The following RAB43 variants were observed in gnomAD, a reference collection of about 807,000 sequenced individuals.
RAB43 encodes RAB43, member RAS oncogene family.
RAB43 carries 6 observed loss-of-function variants against 18.8 expected under a neutral mutation model. The observed-to-expected ratio is 0.32, with a 90% CI of 0.17 to 0.63. The LOEUF (loss-of-function observed/expected upper bound fraction) is 0.63, where lower values mean the gene tolerates loss of function less well. Ranked by LOEUF, RAB43 falls within the 30% of genes least tolerant of loss-of-function variation. The pLI is 0.79. For synonymous variants in RAB43, 103 were observed against 124.1 expected (o/e 0.83, Z 1.13); for missense variants, 195 against 289.1 (o/e 0.67, Z 2.36).
At chr3:129,103,104 G>A (rs1037725157) in intron 1 of RAB43, among the ~76,000 whole-genome samples, 2 of 152,208 alleles carry the variant, frequency 1.3e-5, no homozygotes, top group African/African-American at 4.8e-5. Flanking sequence ...GAGGGGCGCT[G>A]GGACTCGGCC....
chr3:129,117,628 C>T (rs558073259), intron 1 of RAB43, among the ~76,000 whole-genome samples: 1 of 152,202 alleles, frequency 6.6e-6, no homozygotes, highest in East Asian at 1.9e-4. Flanking sequence ...AACTGTCAAC[C>T]CCAATCTTTC....
intron 1 of RAB43, among the ~76,000 whole-genome samples, chr3:129,112,996 C>T (rs1440808971): frequency 1.3e-5 from 2 of 151,844 alleles, no homozygotes; most frequent in Admixed American, 6.6e-5. Flanking sequence ...TCAAACCCAC[C>T]CCTGGAATAC....
In RAB43 at chr3:129,103,221, C is replaced by A. The variant is rs890955123; in HGVS notation, c.205-8052G>T. On this transcript the variant is annotated intron_variant, in intron 1 of 2. Coordinates refer to ENST00000315150, the MANE Select transcript of RAB43 (RefSeq NM_198490.3). The stretch of plus-strand genomic sequence containing the variant: ...GGGCTCCAAGTCCCCACTGCATCTG[C>A]CCTAGCTGTGCCCTCCTCCTACCCA... Among the ~76,000 whole-genome samples, 26 of 152,312 alleles carry A rather than the reference C, an allele frequency of 1.7e-4. 3 individuals carry two copies. Among genetic ancestry groups the A allele is most frequent in the Admixed American group, 5.9e-4 (9 of 15,304 alleles).
At position 129,102,643 on chromosome 3, in the gene RAB43, A is replaced by AAAAAAAAAAAAAC. The variant is rs370921100; in HGVS notation, c.205-7475_205-7474insGTTTTTTTTTTTT. Among the ~76,000 whole-genome samples the AAAAAAAAAAAAAC allele has an allele frequency of 1.3e-5, 2 of 150,616 alleles. 1 individual carries two copies. The highest frequency in any genetic ancestry group is 4.9e-5 in the African/African-American group (2 of 41,036). On this transcript the variant is annotated intron_variant, in intron 1 of 2. Coordinates refer to ENST00000315150, the MANE Select transcript of RAB43 (RefSeq NM_198490.3). ...GAGACTCCATCTCAAAAAAAAAAAAATCACTCAGGTCACTGGGTGGAGCAG... is the reference window on the plus strand; with the variant it reads ...GAGACTCCATCTCAAAAAAAAAAAAAAAAAAAAAAAAACTCACTCAGGTCACTGGGTGGAGCAG...
intron 1 of RAB43, among the ~76,000 whole-genome samples, chr3:129,120,524 ACT>A (rs1451661896): frequency 3.9e-5 from 6 of 152,214 alleles, no homozygotes; most frequent in East Asian, 1.9e-4. Context: ...AGGTTAAGAA[ACT>A]CTGATTTCAT....
intron 2 of RAB43, among the ~76,000 whole-genome samples, chr3:129,093,530 AACCCGG>A: frequency 6.6e-6 from 1 of 152,080 alleles, no homozygotes; most frequent in East Asian, 1.9e-4. Context: ...GAATTGCTTG[AACCCGG>A]GAGGCGGAGG....
At chr3:129,121,149 G>A in intron 1 of RAB43, 137 bp downstream of exon 1, 3 of 604,982 alleles carry the variant, frequency 5.0e-6, no homozygotes, top group Admixed American at 3.9e-5. Context: ...GGCCTGCTCC[G>A]ACCCGAGGAA....
intron 2 of RAB43, 109 bp from the exon 3 acceptor site, chr3:129,091,455 A>C: frequency 2.2e-5 from 29 of 1,330,246 alleles, no homozygotes; most frequent in Non-Finnish European, 2.9e-5. Flanking sequence ...ACCACTATAA[A>C]TGGACACCCC....
At chr3:129,113,888 G>A (rs530139458) in intron 1 of RAB43, among the ~76,000 whole-genome samples, 4 of 152,130 alleles carry the variant, frequency 2.6e-5, no homozygotes, top group Admixed American at 6.5e-5. Flanking sequence ...TTAGCTAGGC[G>A]TGGTGGTGTG....
chr3:129,109,327 G>A (rs1934991680), intron 1 of RAB43, among the ~76,000 whole-genome samples: 1 of 151,114 alleles, frequency 6.6e-6, no homozygotes, highest in African/African-American at 2.4e-5. Context: ...GGAGAATGGC[G>A]TGAACCTGGC....
chr3:129,115,146 G>C lies in RAB43; in HGVS notation c.204+6140C>G, dbSNP rs552240909. Among the ~76,000 whole-genome samples the C allele has an allele frequency of 2.6e-5, 4 of 152,202 alleles. No individual in the cohort carries two copies. In the East Asian group the frequency reaches 7.7e-4, roughly 29 times the overall value. ...GTACAGTATCCCCCACTTATCCATG[G>C]TTTCACTTTCCAAGGTTTCAGCTAC... is the stretch of plus-strand genomic sequence containing the variant. On this transcript the variant is annotated intron_variant, in intron 1 of 2. Transcript: ENST00000315150.
chr3:129,094,829 T>C (rs1933931664), intron 2 of RAB43, among the ~76,000 whole-genome samples, 157 bp downstream of exon 2: 1 of 152,082 alleles, frequency 6.6e-6, no homozygotes, highest in Admixed American at 6.6e-5. Context: ...GAATGTAACT[T>C]TCTAAGTGAT....
chr3:129,117,245 A>G (rs916175935), intron 1 of RAB43, among the ~76,000 whole-genome samples: 1 of 152,186 alleles, frequency 6.6e-6, no homozygotes, highest in Non-Finnish European at 1.5e-5. Flanking sequence ...AAGCATGTTC[A>G]AAGTTTTCTG....
chr3:129,118,560 T>C (rs1935698387), intron 1 of RAB43, among the ~76,000 whole-genome samples: 1 of 152,148 alleles, frequency 6.6e-6, no homozygotes, highest in South Asian at 2.1e-4. Context: ...GTGATCCATC[T>C]CTAAGCTTCC....
At chr3:129,116,686 G>T (rs1935552451) in intron 1 of RAB43, among the ~76,000 whole-genome samples, 1 of 152,186 alleles carries the variant, frequency 6.6e-6, no homozygotes. Context: ...AGGCCCAAGG[G>T]CACAGACTTT....
Position 129,095,767 on chromosome 3 carries a change from G to A in RAB43, c.205-598C>T, listed in dbSNP as rs899282949. ...TGACCCAGCTTGGCCAAAGCAAGGA[G>A]CTTTGGCCACCCATGTCTTCATTTA... On this transcript the variant is annotated intron_variant, in intron 1 of 2. Transcript: ENST00000315150. This position sits in a 1 kb window ranked among gnomAD's most constrained non-coding sequence, Gnocchi z 4.2. Among the ~76,000 whole-genome samples, 1 of 152,202 alleles carries A rather than the reference G, an allele frequency of 6.6e-6. No homozygotes were observed. The highest frequency in any genetic ancestry group is 1.5e-5 in the Non-Finnish European group (1 of 68,030).
intron 1 of RAB43, among the ~76,000 whole-genome samples, chr3:129,117,623 T>C (rs1296664946): frequency 6.6e-6 from 1 of 152,236 alleles, no homozygotes; most frequent in Non-Finnish European, 1.5e-5. Flanking sequence ...TCTTTAACTG[T>C]CAACCCCAAT....
chr3:129,113,659 C>T (rs1406463089), intron 1 of RAB43, among the ~76,000 whole-genome samples: 3 of 152,136 alleles, frequency 2.0e-5, no homozygotes, highest in African/African-American at 7.2e-5. Context: ...TAGAGGAGAG[C>T]TGATTTTAAT....
intron 1 of RAB43, among the ~76,000 whole-genome samples, chr3:129,119,356 A>G (rs1459767563): frequency 2.0e-5 from 3 of 152,172 alleles, no homozygotes; most frequent in Non-Finnish European, 4.4e-5. Flanking sequence ...GGTGGTAAAC[A>G]ATTGCCAGAG....
Sources: gnomAD v4.1 joint callset for allele counts (sites outside exome capture counted in the v4.1 genomes callset) on GRCh38, gnomAD v4.1.1 for gene constraint, Gnocchi (gnomAD v3.1) non-coding constraint, MANE v1.5 for transcripts, NCBI Gene and HGNC (gene_info 2026-07-23, HGNC 2026-07-21) for gene names.